Variants in B4GALNT2 observed in about 807,000 individuals in gnomAD.
B4GALNT2 encodes the protein N-acetylneuraminylgalactosylglucosyl-glucoside beta-1,4-N- acetylgalactosaminyltransferase 2.
A neutral mutation model predicts 51.1 loss-of-function variants in B4GALNT2; 42 were observed. The ratio of observed to expected loss-of-function variants is 0.82; its 90% confidence interval spans 0.64 to 1.06. The LOEUF is 1.06. Ranked by LOEUF, B4GALNT2 falls within the 50% of genes least tolerant of loss-of-function variation. The pLI is 0.00. For synonymous variants in B4GALNT2, 253 were observed against 251.7 expected, an observed-to-expected ratio of 1.01 and a Z score of -0.05; for missense variants, 602 against 633.6, an observed-to-expected ratio of 0.95 and a Z score of 0.54.
At chr17:49,130,951 G>A (rs1274410093), upstream of B4GALNT2, among the ~76,000 whole-genome samples, 4 of 152,106 alleles carry the variant, frequency 2.6e-5, no homozygotes, top group Middle Eastern at 9.5e-3. Context: ...GTCTCTTTGT[G>A]TATACAACCC....
intron 3 of B4GALNT2, among the ~76,000 whole-genome samples, chr17:49,143,301 C>CAAAAAAACA (rs148647477): frequency 0.46 from 68,649 of 150,834 alleles, 16,399 homozygotes; most frequent in African/African-American, 0.59. Flanking sequence ...ACAACAAAAA[C>CAAAAAAACA]AAAAAAACAA....
At chr17:49,168,950 C>A in intron 10 of B4GALNT2, 50 bp downstream of exon 10, 1 of 1,556,030 alleles carries the variant, frequency 6.4e-7, no homozygotes, top group Non-Finnish European at 8.7e-7. Context: ...GAATTAGCTG[C>A]AGAAGTTTGT....
the B4GALNT2 span, among the ~76,000 whole-genome samples, chr17:49,121,437 T>G: frequency 2.6e-5 from 4 of 152,180 alleles, no homozygotes; most frequent in African/African-American, 9.7e-5. Flanking sequence ...GGCACTAGAA[T>G]CTGTTGGCTG....
upstream of B4GALNT2, among the ~76,000 whole-genome samples, chr17:49,130,412 T>G (rs1243991903): frequency 6.6e-6 from 1 of 152,156 alleles, no homozygotes; most frequent in Non-Finnish European, 1.5e-5. Flanking sequence ...CTGAGGTGGG[T>G]GGATCACCTG....
chr17:49,162,362 C>T (rs1463148862), intron 7 of B4GALNT2, among the ~76,000 whole-genome samples: 1 of 152,144 alleles, frequency 6.6e-6, no homozygotes, highest in Non-Finnish European at 1.5e-5. Flanking sequence ...TATGCCCACT[C>T]TCACACTGAG....
chr17:49,166,106 A>C lies in B4GALNT2; in HGVS notation c.955-8A>C, dbSNP rs777486789. ...GCAACCACTCCTTTAACCTCATTTCATCTACAGGGTTGGTTTGCTGGTAGG... is the reference window on the plus strand; with the variant it reads ...GCAACCACTCCTTTAACCTCATTTCCTCTACAGGGTTGGTTTGCTGGTAGG... On this transcript the variant is annotated splice_polypyrimidine_tract_variant and splice_region_variant and intron_variant, in intron 8 of 10. Coordinates refer to ENST00000393354, the MANE Select transcript of B4GALNT2 (RefSeq NM_001159387.2). 2 of 1,613,336 alleles carry C rather than the reference A, an allele frequency of 1.2e-6. No homozygotes were observed. Among genetic ancestry groups the C allele is most frequent in the African/African-American group, 1.3e-5 (1 of 74,994 alleles).
chr17:49,125,284 C>A, the B4GALNT2 span, among the ~76,000 whole-genome samples: 1 of 152,090 alleles, frequency 6.6e-6, no homozygotes, highest in African/African-American at 2.4e-5. Flanking sequence ...CTCAGCCTCC[C>A]GAGTAGCTGG....
chr17:49,133,389 C>G (rs1227830768), intron 1 of B4GALNT2, among the ~76,000 whole-genome samples: 1 of 152,092 alleles, frequency 6.6e-6, no homozygotes, highest in Non-Finnish European at 1.5e-5. Flanking sequence ...TGCTAAAGAG[C>G]CTCTACGGAG....
upstream of B4GALNT2, among the ~76,000 whole-genome samples, chr17:49,130,463 C>T (rs1383493576): frequency 6.6e-6 from 1 of 152,108 alleles, no homozygotes; most frequent in Non-Finnish European, 1.5e-5. Flanking sequence ...CATGGTGAAA[C>T]CCTCGTCTCT....
At chr17:49,144,910 A>T in intron 3 of B4GALNT2, among the ~76,000 whole-genome samples, 1 of 152,308 alleles carries the variant, frequency 6.6e-6, no homozygotes. Flanking sequence ...CTGGAGTCCA[A>T]TGTTCGAGGG....
At chr17:49,132,912 G>C in intron 1 of B4GALNT2, 106 bp downstream of exon 1, 2 of 1,377,734 alleles carry the variant, frequency 1.5e-6, no homozygotes, top group Non-Finnish European at 1.9e-6. Flanking sequence ...TGGGGACGCA[G>C]ACGCCGGAGC....
At chr17:49,148,310 TA>T in intron 3 of B4GALNT2, 1 of 338,680 alleles carries the variant, frequency 3.0e-6, no homozygotes, top group Middle Eastern at 1.0e-3. Flanking sequence ...GAAAAAAAAA[TA>T]AAAACAAAAC....
At chr17:49,147,379 T>A (rs1431020610) in intron 3 of B4GALNT2, among the ~76,000 whole-genome samples, 31 of 101,986 alleles carry the variant, frequency 3.0e-4, no homozygotes, top group African/African-American at 8.9e-4. Context: ...TCTTTCTTTC[T>A]TTTTTTTTTT....
chr17:49,168,934 G>T, intron 10 of B4GALNT2, 34 bp downstream of exon 10: 1 of 1,591,540 alleles, frequency 6.3e-7, no homozygotes, highest in East Asian at 2.3e-5. Context: ...GAGGGAGCTG[G>T]GCTGGGAATT....
At position 49,161,993 on chromosome 17, in the gene B4GALNT2, T is replaced by G. The variant is rs112248649; in HGVS notation, c.766+1352T>G. Among the ~76,000 whole-genome samples, 3 of 151,026 alleles carry G rather than the reference T, an allele frequency of 2.0e-5. No individual in the cohort carries two copies. In the East Asian group the frequency reaches 5.8e-4, roughly 29 times the overall value. ...AATTTTATATATTAAAATTAGCAAA[T>G]TTTTTTCTTTTTGAGACGGAGTCTT... On this transcript the variant is annotated intron_variant, in intron 7 of 10. Transcript: ENST00000393354.
chr17:49,120,484 CTGTG>C, the B4GALNT2 span, among the ~76,000 whole-genome samples: 55,431 of 143,288 alleles, frequency 0.39, 10,408 homozygotes, highest in Middle Eastern at 0.46. Context: ...GTGTGTGTGT[CTGTG>C]TGTGTGTGTG....
chr17:49,171,886 A>T lies in B4GALNT2; in HGVS notation c.*2158A>T, dbSNP rs2042959877. On this transcript the variant is annotated 3_prime_UTR_variant, in exon 11 of 11. Coordinates refer to ENST00000393354, the MANE Select transcript of B4GALNT2 (RefSeq NM_001159387.2). ...GAGCTGCCTTTGCTTTGCCTCAATT[A>T]TAGGAGCAGATTTATTATGGTAAAT... 4 of 320,406 alleles carry T rather than the reference A, an allele frequency of 1.2e-5. No homozygotes were observed. Among genetic ancestry groups the T allele is most frequent in the South Asian group, 7.9e-5 (3 of 38,152 alleles). 19.8% of individuals were successfully genotyped at this position (320,406 alleles called of 1,614,324 possible).
intron 1 of B4GALNT2, among the ~76,000 whole-genome samples, chr17:49,135,988 C>A (rs2042586557): frequency 1.3e-5 from 2 of 151,130 alleles, no homozygotes; most frequent in Admixed American, 6.6e-5. Context: ...GAGGCTGAGG[C>A]AGGAGAATGG....
At chr17:49,126,509 A>AAC in the B4GALNT2 span, among the ~76,000 whole-genome samples, 2 of 151,024 alleles carry the variant, frequency 1.3e-5, no homozygotes, top group Non-Finnish European at 3.0e-5. Context: ...AAAAAAAAAA[A>AAC]AAACAAACTC....
Sources: allele counts gnomAD v4.1 joint callset (sites outside exome capture counted in the v4.1 genomes callset), GRCh38; gene constraint gnomAD v4.1.1; transcripts MANE v1.5; gene names NCBI Gene and HGNC (gene_info 2026-07-23, HGNC 2026-07-21).